Variants in TAFA5 observed in about 807,000 individuals in gnomAD.
TAFA5 encodes the protein TAFA chemokine like family member 5.
In TAFA5, 6 loss-of-function variants were observed where a neutral mutation model predicts 15.3. That is an observed-to-expected ratio of 0.39 (90% CI 0.21 to 0.77). The LOEUF (loss-of-function observed/expected upper bound fraction) is 0.77. TAFA5 is among the 30% of genes least tolerant of loss of function. The probability of loss-of-function intolerance (pLI) is 0.41; values close to 1 mark genes in which losing one functional copy is unlikely to be tolerated. For synonymous variants in TAFA5, 103 were observed against 80.7 expected (o/e 1.28, Z -1.48); for missense variants, 161 against 193.1 (o/e 0.83, Z 0.98).
intron 1 of TAFA5, among the ~76,000 whole-genome samples, chr22:48,608,094 C>T (rs1925263731): frequency 6.6e-6 from 1 of 151,668 alleles, no homozygotes; most frequent in African/African-American, 2.4e-5. Context: ...CCCACGGCCC[C>T]AGGCTGCCAG....
intron 3 of TAFA5, among the ~76,000 whole-genome samples, chr22:48,740,584 G>A (rs898082515): frequency 1.3e-5 from 2 of 152,128 alleles, no homozygotes; most frequent in Non-Finnish European, 2.9e-5. Flanking sequence ...CAGCGTCGTG[G>A]CTTCAGAACC....
chr22:48,561,834 C>T (rs1229428886), intron 1 of TAFA5, among the ~76,000 whole-genome samples: 8 of 152,324 alleles, frequency 5.3e-5, no homozygotes, highest in South Asian at 4.1e-4. Context: ...AGGCTCAGCA[C>T]GGCTGCGTGG....
rs1569099128 is a variant in TAFA5, at chr22:48,735,968, AGGAGGAATGAGAATCGCACTCCTG to A, written c.391-13869_391-13846del. Among the ~76,000 whole-genome samples the A allele has an allele frequency of 1.3e-4, 18 of 136,064 alleles. 2 individuals carry two copies. The highest frequency in any genetic ancestry group is 4.4e-4 in the African/African-American group (16 of 35,970). 89.3% of individuals were successfully genotyped at this position (136,064 alleles called of 152,430 possible). A position where few individuals can be genotyped will look rare whatever the true frequency, so the allele number is the denominator to read the frequency against. Reference sequence around the variant, plus strand: ...CCTAGAGTCCAGAGTCCATCCCCCCAGGAGGAATGAGAATCGCACTCCTGGAGTCCAGAGTCCATCCCCCCAGGA... The same window carrying A: ...CCTAGAGTCCAGAGTCCATCCCCCCAGAGTCCAGAGTCCATCCCCCCAGGA... On this transcript the variant is annotated intron_variant, in intron 3 of 3. Transcript: ENST00000402357.
chr22:48,658,398 A>G (rs1348801067), intron 2 of TAFA5, among the ~76,000 whole-genome samples: 1 of 152,226 alleles, frequency 6.6e-6, no homozygotes, highest in Non-Finnish European at 1.5e-5. Context: ...TGCACAGCCC[A>G]TGGGCGCTCA....
intron 2 of TAFA5, among the ~76,000 whole-genome samples, chr22:48,660,031 C>CTCTGGGCCATGTTTGGGGCCTG (rs1927380700): frequency 6.6e-6 from 1 of 152,206 alleles, no homozygotes; most frequent in Non-Finnish European, 1.5e-5. Flanking sequence ...GCGGGGACGG[C>CTCTGGGCCATGTTTGGGGCCTG]TCTGGGCCAT....
At position 48,732,959 on chromosome 22, in the gene TAFA5, G is replaced by A. The variant is rs1019077126; in HGVS notation, c.391-16880G>A. Among the ~76,000 whole-genome samples, 5 of 152,118 alleles carry A rather than the reference G, an allele frequency of 3.3e-5. 1 individual carries two copies. Among genetic ancestry groups the A allele is most frequent in the Non-Finnish European group, 7.3e-5 (5 of 68,034 alleles). Reference sequence around the variant, plus strand: ...TTTTTAGCACTAACTTATTTTTAAGGTATGTACTTTTTTTAGACATGATGT... The same window carrying A: ...TTTTTAGCACTAACTTATTTTTAAGATATGTACTTTTTTTAGACATGATGT... On this transcript the variant is annotated intron_variant, in intron 3 of 3. Coordinates refer to ENST00000402357, the MANE Select transcript of TAFA5 (RefSeq NM_001082967.3).
chr22:48,612,265 G>A (rs1418150870), intron 1 of TAFA5, among the ~76,000 whole-genome samples: 2 of 152,096 alleles, frequency 1.3e-5, no homozygotes, highest in Non-Finnish European at 1.5e-5. Context: ...TGACTCCAGT[G>A]CACACCCCCG....
At position 48,628,483 on chromosome 22, in the gene TAFA5, C is replaced by T. The variant is rs1439175638; in HGVS notation, c.113-18114C>T. ...CCGATCACAGCTTCCTCTGCAGGTA[C>T]CCAGGTGCCCTGTGCCTGGCTTTTC... is the stretch of plus-strand genomic sequence containing the variant. On this transcript the variant is annotated intron_variant, in intron 1 of 3. Coordinates refer to ENST00000402357, the MANE Select transcript of TAFA5 (RefSeq NM_001082967.3). Among the ~76,000 whole-genome samples the T allele has an allele frequency of 2.6e-5, 4 of 152,228 alleles. No homozygotes were observed. The South Asian group carries it at 8.3e-4, about 32-fold the overall frequency.
At chr22:48,608,262 A>G (rs1349067262) in intron 1 of TAFA5, among the ~76,000 whole-genome samples, 2 of 152,194 alleles carry the variant, frequency 1.3e-5, no homozygotes, top group Non-Finnish European at 2.9e-5. Flanking sequence ...AGACCCTGTC[A>G]TCCAAGAAGC....
intron 1 of TAFA5, among the ~76,000 whole-genome samples, chr22:48,617,135 A>G (rs1054509124): frequency 5.3e-5 from 8 of 152,210 alleles, no homozygotes; most frequent in African/African-American, 1.7e-4. Context: ...TCATTTCGCC[A>G]GGCAAGAGGG....
intron 2 of TAFA5, among the ~76,000 whole-genome samples, chr22:48,684,860 G>C (rs1928305366): frequency 6.6e-6 from 1 of 152,206 alleles, no homozygotes; most frequent in African/African-American, 2.4e-5. Context: ...GGCTCCCAGA[G>C]GAGCTTCCCA....
chr22:48,495,592 C>G (rs1601832880), intron 1 of TAFA5, among the ~76,000 whole-genome samples: 1 of 152,276 alleles, frequency 6.6e-6, no homozygotes, highest in South Asian at 2.1e-4. Context: ...CTCCCTGTGC[C>G]CCTGGCCCTG....
intron 1 of TAFA5, among the ~76,000 whole-genome samples, chr22:48,507,343 G>T (rs1227765087): frequency 1.3e-5 from 2 of 152,220 alleles, no homozygotes; most frequent in Non-Finnish European, 2.9e-5. Context: ...AGTCACTGAG[G>T]CAGGGGTGGG....
rs116693004 is a variant in TAFA5, at chr22:48,588,786, C to T, written c.113-57811C>T. ...CTTCGGGGATGCTCCTGGCAGAAGACTCAGGAATCTGTGGGAAGACCCGTC... is the reference window on the plus strand; with the variant it reads ...CTTCGGGGATGCTCCTGGCAGAAGATTCAGGAATCTGTGGGAAGACCCGTC... On this transcript the variant is annotated intron_variant, in intron 1 of 3. Coordinates refer to ENST00000402357, the MANE Select transcript of TAFA5 (RefSeq NM_001082967.3). 9.2e-3 allele frequency among the ~76,000 whole-genome samples: 1,396 copies of T among 152,250 alleles called. 23 individuals are homozygous for T. The highest frequency in any genetic ancestry group is 0.032 in the African/African-American group (1,318 of 41,542).
chr22:48,676,211 G>A (rs1927966443), intron 2 of TAFA5, among the ~76,000 whole-genome samples: 2 of 152,244 alleles, frequency 1.3e-5, no homozygotes, highest in South Asian at 4.1e-4. Flanking sequence ...AGAGAGCCTG[G>A]ACAGCGTCCA....
chr22:48,693,599 C>G (rs1928610030), intron 2 of TAFA5, among the ~76,000 whole-genome samples: 1 of 152,132 alleles, frequency 6.6e-6, no homozygotes, highest in South Asian at 2.1e-4. Flanking sequence ...GGGCCTTGGT[C>G]CTGTTTTCTG....
intron 2 of TAFA5, among the ~76,000 whole-genome samples, chr22:48,701,086 C>A (rs1335553532): frequency 2.0e-5 from 3 of 152,108 alleles, no homozygotes; most frequent in Admixed American, 2.0e-4. Context: ...GGGCCTGGTA[C>A]AATGGATGTG....
intron 1 of TAFA5, among the ~76,000 whole-genome samples, chr22:48,536,891 C>T (rs1043205272): frequency 7.2e-5 from 11 of 152,208 alleles, no homozygotes; most frequent in Non-Finnish European, 1.3e-4. Context: ...CCCGGACACC[C>T]TGGCACTGGC....
rs560557349 is a variant in TAFA5, at chr22:48,626,258, A to G, written c.113-20339A>G. ...ATGGTAAGAGTATGTTCTGCCTTGT[A>G]AGACGCTGCCAAGCTGTCTTCCAAA... On this transcript the variant is annotated intron_variant, in intron 1 of 3. Coordinates refer to ENST00000402357, the MANE Select transcript of TAFA5 (RefSeq NM_001082967.3). 1.3e-4 allele frequency among the ~76,000 whole-genome samples: 20 copies of G among 152,322 alleles called. 1 individual carries two copies. In the South Asian group the frequency reaches 3.3e-3, roughly 25 times the overall value.
Sources: gnomAD v4.1 joint callset for allele counts (sites outside exome capture counted in the v4.1 genomes callset) on GRCh38, gnomAD v4.1.1 for gene constraint, MANE v1.5 for transcripts, NCBI Gene and HGNC (gene_info 2026-07-23, HGNC 2026-07-21) for gene names.